PCDH15: variants seen among roughly 807,000 people sequenced by gnomAD.
The protein encoded by PCDH15 is protocadherin related 15, also known as protocadherin-15.
Under a neutral mutation model 178.5 loss-of-function variants are expected in PCDH15, and 129 were observed. That is an observed-to-expected ratio of 0.72 (90% confidence interval 0.63 to 0.84). PCDH15 has a LOEUF of 0.84. PCDH15 is among the 40% of genes least tolerant of loss of function. The probability of loss-of-function intolerance (pLI) is 0.00; values close to 1 mark genes in which losing one functional copy is unlikely to be tolerated. For missense variants in PCDH15, 2,230 were observed against 2,099.9 expected, an observed-to-expected ratio of 1.06 and a Z score of -1.21; for synonymous variants, 800 against 732.0, an observed-to-expected ratio of 1.09 and a Z score of -1.50.
At chr10:55,481,309 A>G (rs993976765) in intron 2 of PCDH15, among the ~76,000 whole-genome samples, 1 of 151,504 alleles carries the variant, frequency 6.6e-6, no homozygotes, top group African/African-American at 2.4e-5. Context: ...GATCTTTTCA[A>G]TGGTTTTTAG....
At chr10:53,848,999 T>C (rs936671525) in intron 28 of PCDH15, among the ~76,000 whole-genome samples, 1 of 152,138 alleles carries the variant, frequency 6.6e-6, no homozygotes, top group East Asian at 1.9e-4. Flanking sequence ...TTATCTCTTT[T>C]TGAAAACAAC....
chr10:54,697,224 A>G (rs978212721), intron 1 of PCDH15, among the ~76,000 whole-genome samples: 5 of 152,138 alleles, frequency 3.3e-5, no homozygotes, highest in Non-Finnish European at 5.9e-5. Flanking sequence ...ATTATCTAAA[A>G]TATCAGAAAT....
At chr10:55,014,625 G>C (rs1270095353) in intron 2 of PCDH15, among the ~76,000 whole-genome samples, 1 of 152,028 alleles carries the variant, frequency 6.6e-6, no homozygotes, top group Non-Finnish European at 1.5e-5. Context: ...TTTGCTACAA[G>C]CTACAATGCA....
At chr10:55,274,544 G>C (rs1328481674) in intron 1 of PCDH15, among the ~76,000 whole-genome samples, 2 of 152,010 alleles carry the variant, frequency 1.3e-5, no homozygotes, top group African/African-American at 4.8e-5. Flanking sequence ...TCATCAACCT[G>C]TCTGGAAGCT....
chr10:54,664,205 G>C lies in PCDH15; in HGVS notation c.58C>G (p.Leu20Val). The C allele has an allele frequency of 6.2e-7, 1 of 1,612,204 alleles. No individual in the cohort carries two copies. The highest frequency in any genetic ancestry group is 2.2e-5 in the East Asian group (1 of 44,820). ...TACTGGCCCAAGCAGATTTCAAAGA[G>C]AGAGCCCAGGATGATCCCTGAAGCT... Reference protein sequence around the residue: ...CLASGIILGSLFEICLGQYDD... With the variant: ...CLASGIILGSVFEICLGQYDD... Residue 20 changes from leucine to valine, a missense_variant, in exon 2 of 38, where the codon CTC (leucine) becomes GTC (valine). Transcript: ENST00000644397.
chr10:54,350,786 A>C (rs1025010001), intron 5 of PCDH15, among the ~76,000 whole-genome samples: 3 of 152,018 alleles, frequency 2.0e-5, no homozygotes, highest in African/African-American at 7.2e-5. Flanking sequence ...TGAGAGTTTA[A>C]GAGTTTGAGA....
chr10:55,367,628 A>C (rs1845400495), intron 2 of PCDH15, among the ~76,000 whole-genome samples: 1 of 152,074 alleles, frequency 6.6e-6, no homozygotes. Flanking sequence ...AACAAACAAA[A>C]AAAAGAGGTT....
At chr10:54,625,178 T>A (rs577127193) in intron 2 of PCDH15, among the ~76,000 whole-genome samples, 1 of 152,202 alleles carries the variant, frequency 6.6e-6, no homozygotes, top group South Asian at 2.1e-4. Flanking sequence ...CTTACAGAAA[T>A]AAAGTCCCTA....
intron 2 of PCDH15, among the ~76,000 whole-genome samples, chr10:55,156,269 C>T (rs757013810): frequency 1.1e-4 from 17 of 152,150 alleles, no homozygotes; most frequent in South Asian, 2.1e-4. Context: ...AGAAAACATA[C>T]GATTTTAGGA....
chr10:53,840,260 G>A (rs1324201508), intron 29 of PCDH15, 60 bp downstream of exon 29: 1 of 1,551,062 alleles, frequency 6.4e-7, no homozygotes, highest in African/African-American at 1.4e-5. Flanking sequence ...CCTCAAGTCA[G>A]AATCATCTAT....
At chr10:55,360,653 A>G (rs1237933662) in intron 2 of PCDH15, among the ~76,000 whole-genome samples, 4 of 152,024 alleles carry the variant, frequency 2.6e-5, no homozygotes, top group Admixed American at 2.6e-4. Flanking sequence ...TAAAACTACA[A>G]TAGGATATCT....
chr10:54,595,546 C>T (rs2092182991), intron 2 of PCDH15, among the ~76,000 whole-genome samples: 1 of 152,212 alleles, frequency 6.6e-6, no homozygotes, highest in Admixed American at 6.5e-5. Context: ...AGAGTGCCTT[C>T]TTTCCTCCAA....
intron 3 of PCDH15, among the ~76,000 whole-genome samples, chr10:54,841,645 T>C (rs2133761681): frequency 6.6e-6 from 1 of 151,882 alleles, no homozygotes; most frequent in South Asian, 2.1e-4. Flanking sequence ...TGCATAAAAG[T>C]TTTAAAAATA....
intron 2 of PCDH15, among the ~76,000 whole-genome samples, chr10:54,663,692 CA>C (rs11429433): frequency 0.096 from 13,905 of 144,104 alleles, 822 homozygotes; most frequent in Non-Finnish European, 0.13. Flanking sequence ...CTATTCTTCC[CA>C]AAAAAAAAAA....
At chr10:53,865,729 CATTAT>C in intron 27 of PCDH15, among the ~76,000 whole-genome samples, 1 of 104,152 alleles carries the variant, frequency 9.6e-6, no homozygotes, top group South Asian at 3.7e-4. Flanking sequence ...TGTTCTTCAC[CATTAT>C]CTAAGAAGAA....
intron 6 of PCDH15, among the ~76,000 whole-genome samples, chr10:54,346,100 C>G (rs939722049): frequency 2.0e-5 from 3 of 152,028 alleles, no homozygotes; most frequent in Non-Finnish European, 4.4e-5. Context: ...CTTTGGAGAC[C>G]ACAAACATAA....
chr10:55,386,067 A>C (rs180905515), intron 2 of PCDH15, among the ~76,000 whole-genome samples: 1 of 151,912 alleles, frequency 6.6e-6, no homozygotes, highest in Non-Finnish European at 1.5e-5. Context: ...TTCTAGCACC[A>C]TAAGTCAAAT....
chr10:54,725,996 C>A (rs1161383634), intron 1 of PCDH15, among the ~76,000 whole-genome samples: 2 of 150,976 alleles, frequency 1.3e-5, no homozygotes, highest in East Asian at 3.9e-4. Flanking sequence ...GCAGCTGTTA[C>A]AAGTACATGC....
At chr10:53,826,780 G>T (rs570472423) in intron 32 of PCDH15, among the ~76,000 whole-genome samples, 2 of 152,112 alleles carry the variant, frequency 1.3e-5, no homozygotes, top group South Asian at 2.1e-4. Context: ...GGTAATCACC[G>T]CAGTCTGAGA....
Sources: gnomAD v4.1 joint callset for allele counts (sites outside exome capture counted in the v4.1 genomes callset) on GRCh38, gnomAD v4.1.1 for gene constraint, MANE v1.5 for transcripts, NCBI Gene and HGNC (gene_info 2026-07-23, HGNC 2026-07-21) for gene names.